AHI1: variants seen among roughly 807,000 people sequenced by gnomAD.
The protein encoded by AHI1 is jouberin.
A neutral mutation model predicts 149.3 loss-of-function variants in AHI1; 123 were observed. The ratio of observed to expected loss-of-function variants is 0.82; its 90% CI spans 0.71 to 0.96. AHI1 has a LOEUF of 0.96. AHI1 is among the 40% of genes least tolerant of loss of function. AHI1 has a pLI of 0.00. For missense variants in AHI1, 1,439 were observed against 1,422.7 expected (o/e 1.01, Z -0.18); for synonymous variants, 475 against 459.8 (o/e 1.03, Z -0.42).
At chr6:135,483,632 C>T (rs1484817599) in intron 5 of AHI1, among the ~76,000 whole-genome samples, 2 of 152,090 alleles carry the variant, frequency 1.3e-5, no homozygotes, top group Non-Finnish European at 1.5e-5. Flanking sequence ...TTTATTTGTT[C>T]CAGTTACTAT....
chr6:135,380,225 T>A (rs1296549131), intron 23 of AHI1, among the ~76,000 whole-genome samples: 4 of 151,934 alleles, frequency 2.6e-5, no homozygotes, highest in Non-Finnish European at 4.4e-5. Context: ...GGGTTCTGCA[T>A]CCACGCATTC....
At chr6:135,287,152 G>A (rs1485238744) in intron 28 of AHI1, among the ~76,000 whole-genome samples, 1 of 152,014 alleles carries the variant, frequency 6.6e-6, no homozygotes, top group Non-Finnish European at 1.5e-5. Context: ...AAGGGGAGAA[G>A]AACAGCTGGA....
At chr6:135,478,349 C>G (rs1184549224) in intron 5 of AHI1, among the ~76,000 whole-genome samples, 1 of 152,130 alleles carries the variant, frequency 6.6e-6, no homozygotes, top group Non-Finnish European at 1.5e-5. Flanking sequence ...CTGACGAGGT[C>G]TCAAATGGAG....
At chr6:135,412,999 G>A (rs1236791604) in intron 20 of AHI1, among the ~76,000 whole-genome samples, 1 of 152,138 alleles carries the variant, frequency 6.6e-6, no homozygotes, top group East Asian at 1.9e-4. Flanking sequence ...CCAATGAACA[G>A]ATTTTGTAAC....
chr6:135,434,109 A>C (rs919216230), intron 15 of AHI1, among the ~76,000 whole-genome samples: 1 of 152,048 alleles, frequency 6.6e-6, no homozygotes, highest in African/African-American at 2.4e-5. Context: ...AGAACATATT[A>C]ATTTTAAATA....
intron 24 of AHI1, among the ~76,000 whole-genome samples, chr6:135,351,144 C>CAAA (rs112077817): frequency 7.7e-5 from 9 of 116,288 alleles, no homozygotes; most frequent in African/African-American, 3.9e-4. Context: ...ACAAAAAAAA[C>CAAA]AAAAAAAAAA....
intron 27 of AHI1, among the ~76,000 whole-genome samples, chr6:135,291,224 T>C (rs914058986): frequency 2.6e-5 from 4 of 152,050 alleles, no homozygotes; most frequent in Admixed American, 2.6e-4. Context: ...ACAGAGGAGC[T>C]TGAAAAAGAT....
intron 26 of AHI1, among the ~76,000 whole-genome samples, chr6:135,308,394 C>A (rs373492954): frequency 6.6e-6 from 1 of 152,106 alleles, no homozygotes; most frequent in Non-Finnish European, 1.5e-5. Flanking sequence ...CACTACCATG[C>A]CTGGATAATT....
intron 23 of AHI1, among the ~76,000 whole-genome samples, chr6:135,364,661 T>G (rs1773850888): frequency 6.6e-6 from 1 of 152,054 alleles, no homozygotes; most frequent in Admixed American, 6.5e-5. Context: ...AGGCCGAGGC[T>G]GGCGGATCAC....
chr6:135,312,542 A>G (rs1785356845), intron 26 of AHI1, among the ~76,000 whole-genome samples: 1 of 152,086 alleles, frequency 6.6e-6, no homozygotes, highest in Non-Finnish European at 1.5e-5. Flanking sequence ...AAAACCAACC[A>G]ACCAACCAAG....
intron 21 of AHI1, among the ~76,000 whole-genome samples, chr6:135,407,650 A>C (rs1562692597): frequency 6.6e-6 from 1 of 152,232 alleles, no homozygotes; most frequent in African/African-American, 2.4e-5. Flanking sequence ...TAAAGTAATA[A>C]TTCAAAGTAA....
At chr6:135,308,315 AG>A (rs1170842785) in intron 26 of AHI1, among the ~76,000 whole-genome samples, 1 of 152,134 alleles carries the variant, frequency 6.6e-6, no homozygotes, top group Non-Finnish European at 1.5e-5. Context: ...TGTTCACTGC[AG>A]CCTCATCCTC....
At chr6:135,394,434 TG>T (rs1403762325) in intron 23 of AHI1, among the ~76,000 whole-genome samples, 1 of 152,068 alleles carries the variant, frequency 6.6e-6, no homozygotes. Context: ...TTCCTTGAAA[TG>T]AATTATAACA....
intron 20 of AHI1, among the ~76,000 whole-genome samples, 194 bp from the exon 21 acceptor site, chr6:135,411,738 T>C (rs1781624388): frequency 6.6e-6 from 1 of 152,162 alleles, no homozygotes; most frequent in South Asian, 2.1e-4. Context: ...TAGAATTTCA[T>C]GTCAGGCAGC....
Position 135,363,973 on chromosome 6 carries a change from C to T in AHI1, c.3110-5786G>A, listed in dbSNP as rs1254649482. Among the ~76,000 whole-genome samples, 17 of 127,108 alleles carry T rather than the reference C, an allele frequency of 1.3e-4. No homozygotes were observed. The South Asian group carries it at 1.4e-3, about 10-fold the overall frequency. The allele number at this position is 127,108 out of a possible 152,430, so 83.4% of individuals were successfully genotyped here. On this transcript the variant is annotated intron_variant, in intron 23 of 28. Transcript: ENST00000265602. ...CCCCCCACCTCCCTCCCGGACGGGGCGGCTGGCCGGGCAGAGGGGCTCCTC... is the reference window on the plus strand; with the variant it reads ...CCCCCCACCTCCCTCCCGGACGGGGTGGCTGGCCGGGCAGAGGGGCTCCTC...
chr6:135,284,328 T>C lies in AHI1; in HGVS notation c.*1317A>G, dbSNP rs886061102. On this transcript the variant is annotated 3_prime_UTR_variant, in exon 29 of 29. Transcript: ENST00000265602. ...AGATATTTCACACTGGGTATACATC[T>C]GGGCAAAATTTACACCTCAATGCCC... 5 of 152,218 alleles carry C rather than the reference T, an allele frequency of 3.3e-5. No homozygotes were observed. In the South Asian group the frequency reaches 1.0e-3, roughly 31 times the overall value. The allele number at this position is 152,218 out of a possible 1,614,324, so 9.4% of individuals were successfully genotyped here.
At chr6:135,315,207 C>T (rs1179030643) in intron 26 of AHI1, among the ~76,000 whole-genome samples, 1 of 152,152 alleles carries the variant, frequency 6.6e-6, no homozygotes, top group Non-Finnish European at 1.5e-5. Flanking sequence ...TTGACCAGTT[C>T]AACTCTAATA....
chr6:135,300,967 A>G, intron 26 of AHI1: 2 of 985,818 alleles, frequency 2.0e-6, no homozygotes, highest in Non-Finnish European at 2.4e-6. Flanking sequence ...AGTAATACAC[A>G]TTGATCTGTA....
rs541394233 is a variant in AHI1 at position 135,288,648 on chromosome 6, TATG to T, written c.3588+1772_3588+1774del. Among the ~76,000 whole-genome samples, 180 of 152,134 alleles carry T rather than the reference TATG, an allele frequency of 1.2e-3. 5 individuals are homozygous for T. The highest frequency in any genetic ancestry group is 4.0e-3 in the African/African-American group (167 of 41,438). On this transcript the variant is annotated intron_variant, in intron 28 of 28. Transcript: ENST00000265602. ...CATGTCCATAAAAATACTTCCATAA[TATG>T]ATGAATAACCATATGATATTCTGTT...
Sources: gnomAD v4.1 joint callset for allele counts (sites outside exome capture counted in the v4.1 genomes callset) on GRCh38, gnomAD v4.1.1 for gene constraint, MANE v1.5 for transcripts, NCBI Gene and HGNC (gene_info 2026-07-23, HGNC 2026-07-21) for gene names.